Variants in ZNF793 observed in about 807,000 individuals in gnomAD.
ZNF793 encodes the protein zinc finger protein 793.
A neutral mutation model predicts 12.4 loss-of-function variants in ZNF793; 5 were observed. The observed-to-expected ratio is 0.40, with a 90% confidence interval of 0.21 to 0.84. The LOEUF (loss-of-function observed/expected upper bound fraction) is 0.84, where lower values mean the gene tolerates loss of function less well. Among genes scored for constraint, ZNF793 ranks in the 40% least tolerant of loss-of-function variants. The pLI is 0.35. For missense variants in ZNF793, 456 were observed against 495.0 expected (o/e 0.92, Z 0.75); for synonymous variants, 162 against 172.4 (o/e 0.94, Z 0.47).
At chr19:37,529,792 C>T (rs1386180439) in intron 5 of ZNF793, among the ~76,000 whole-genome samples, 4 of 152,194 alleles carry the variant, frequency 2.6e-5, no homozygotes, top group African/African-American at 9.7e-5. Flanking sequence ...CATGCCTGGC[C>T]TGGAGTGTTC....
At chr19:37,515,156 C>A (rs2042321123) in intron 2 of ZNF793, among the ~76,000 whole-genome samples, 1 of 151,966 alleles carries the variant, frequency 6.6e-6, no homozygotes, top group Non-Finnish European at 1.5e-5. Flanking sequence ...AAGTATTGGA[C>A]AAGACAAGAA....
rs2042522671 is a variant in ZNF793 at position 37,537,999 on chromosome 19, C to T, written c.*120C>T. The T allele has an allele frequency of 8.0e-6, 10 of 1,249,010 alleles. No individual in the cohort carries two copies. The South Asian group carries it at 1.6e-4, about 20-fold the overall frequency. 77.4% of individuals were successfully genotyped at this position (1,249,010 alleles called of 1,614,324 possible). On this transcript the variant is annotated 3_prime_UTR_variant, in exon 8 of 8. Transcript: ENST00000627814. ...CGATCTCGGCTTACTGCAAGCTCTGCCTCCCGGGTTCACGCCATTCTCCTG... is the reference window on the plus strand; with the variant it reads ...CGATCTCGGCTTACTGCAAGCTCTGTCTCCCGGGTTCACGCCATTCTCCTG...
rs751578996 is a variant in ZNF793, at chr19:37,536,909, G to A, written c.251G>A (p.Arg84Gln). 1.5e-5 allele frequency: 24 copies of A among 1,605,888 alleles called. No individual in the cohort carries two copies. Among genetic ancestry groups the A allele is most frequent in the African/African-American group, 6.7e-5 (5 of 74,322 alleles). ...GTACTTTCTCCAGAAGACATCTGGC[G>A]AGTTAATATCCAGAGGAAAAGACGG... ...PGCHCWEDIW[R>Q]VNIQRKRRQD... The change falls in exon 8 of 8, where the codon CGA (arginine) becomes CAA (glutamine). Residue 84 changes from arginine to glutamine, a missense_variant. Transcript: ENST00000627814.
Position 37,532,431 on chromosome 19 carries a change from G to A in ZNF793, c.91G>A (p.Ala31Thr), listed in dbSNP as rs2042469183. 6.2e-7 allele frequency: 1 copy of A among 1,613,796 alleles called. No individual in the cohort carries two copies. The highest frequency in any genetic ancestry group is 8.5e-7 in the Non-Finnish European group (1 of 1,179,918). Residue 31 changes from alanine (A) to threonine (T), a missense_variant, in exon 6 of 8, where the codon GCC becomes ACC. Ala to Thr is a moderately conservative substitution (Grantham distance 58, BLOSUM62 0). Transcript: ENST00000627814. Reference protein sequence around the residue: ...EWHRLSPAQRALYRDVMLETY... With the variant: ...EWHRLSPAQRTLYRDVMLETY... ...GCACCGGCTGAGTCCTGCTCAGAGG[G>A]CCCTGTACCGGGATGTGATGCTGGA...
chr19:37,527,519 CTAT>C (rs1262913940), intron 5 of ZNF793, among the ~76,000 whole-genome samples: 2 of 152,158 alleles, frequency 1.3e-5, no homozygotes, highest in Admixed American at 1.3e-4. Context: ...GACACACATA[CTAT>C]TATTATTTCC....
At chr19:37,536,769 T>C in intron 7 of ZNF793, 128 bp from the exon 8 acceptor site, 3 of 1,011,134 alleles carry the variant, frequency 3.0e-6, no homozygotes, top group East Asian at 2.6e-5. Context: ...TAGAACACTC[T>C]TCCCTGCGTT....
chr19:37,523,531 AGT>A, intron 5 of ZNF793, 77 bp downstream of exon 5: 2 of 1,404,470 alleles, frequency 1.4e-6, no homozygotes, highest in Non-Finnish European at 2.0e-6. Context: ...GTGCATTGTA[AGT>A]ATGTACAGTT....
intron 3 of ZNF793, among the ~76,000 whole-genome samples, chr19:37,521,690 G>A (rs1360065577): frequency 2.0e-5 from 3 of 150,660 alleles, no homozygotes; most frequent in African/African-American, 7.3e-5. Flanking sequence ...TGATACACCT[G>A]CCTTGGCCTC....
chr19:37,532,151 T>C (rs1208129552), intron 5 of ZNF793, among the ~76,000 whole-genome samples: 1 of 152,010 alleles, frequency 6.6e-6, no homozygotes, highest in Non-Finnish European at 1.5e-5. Flanking sequence ...GTAGCTGAGA[T>C]TACAAGTGTG....
chr19:37,512,480 A>G (rs552694907), intron 2 of ZNF793, among the ~76,000 whole-genome samples: 5 of 152,052 alleles, frequency 3.3e-5, no homozygotes, highest in Non-Finnish European at 5.9e-5. Context: ...ACGCCACTAC[A>G]CTCCAGCCTG....
chr19:37,537,234 C>G lies in ZNF793; in HGVS notation c.576C>G (p.His192Gln). 6.2e-7 allele frequency: 1 copy of G among 1,613,950 alleles called. No homozygotes were observed. Among genetic ancestry groups the G allele is most frequent in the Non-Finnish European group, 8.5e-7 (1 of 1,179,894 alleles). The change falls in exon 8 of 8, where the codon CAC becomes CAG. Residue 192 changes from histidine to glutamine, a missense_variant. His to Gln is a conservative substitution (Grantham distance 24, BLOSUM62 0). Coordinates refer to ENST00000627814, the MANE Select transcript of ZNF793 (RefSeq NM_001013659.3). ...PNGEKPRGCS[H>Q]CEKAFTQNPA... is the part of the protein sequence containing the mutation. ...GAGAAAAGCCCCGGGGTTGCAGTCA[C>G]TGTGAGAAAGCTTTCACCCAGAACC...
Position 37,515,597 on chromosome 19 carries a change from C to G in ZNF793, c.-275-4587C>G, listed in dbSNP as rs150039239. 2.4e-4 allele frequency among the ~76,000 whole-genome samples: 36 copies of G among 152,180 alleles called. No individual in the cohort carries two copies. In the East Asian group the frequency reaches 6.2e-3, roughly 26 times the overall value. ...TGGTGGGATTACAGGCGTGAGCCAC[C>G]GCGCCCAGCCTGATGACTTTTTTTA... is the stretch of plus-strand genomic sequence containing the variant. On this transcript the variant is annotated intron_variant, in intron 2 of 7. Transcript: ENST00000627814.
rs762537228 is a variant in ZNF793, at chr19:37,537,344, G to T, written c.686G>T (p.Cys229Phe). 6.2e-7 allele frequency: 1 copy of T among 1,613,318 alleles called. No homozygotes were observed. Among genetic ancestry groups the T allele is most frequent in the Admixed American group, 1.7e-5 (1 of 59,900 alleles). ...RVPPTEKPHV[C>F]SECGKAFCYK... The stretch of plus-strand genomic sequence containing the variant: ...CCACCTACAGAAAAACCCCACGTCT[G>T]TAGTGAGTGTGGGAAAGCCTTCTGC... The change falls in exon 8 of 8, where the codon TGT becomes TTT. Residue 229 changes from cysteine to phenylalanine, a missense_variant. Cys to Phe is a radical substitution (Grantham distance 205, BLOSUM62 -2). Transcript: ENST00000627814.
At chr19:37,521,806 G>A (rs932365232) in intron 3 of ZNF793, among the ~76,000 whole-genome samples, 1 of 152,000 alleles carries the variant, frequency 6.6e-6, no homozygotes, top group African/African-American at 2.4e-5. Context: ...GAATATTTCT[G>A]TGGTCTCCTA....
intron 2 of ZNF793, among the ~76,000 whole-genome samples, chr19:37,519,541 A>G (rs748944471): frequency 6.6e-6 from 1 of 152,234 alleles, no homozygotes; most frequent in Non-Finnish European, 1.5e-5. Context: ...AATGACAAAT[A>G]AGGACAAATG....
chr19:37,512,712 A>C (rs1044044346), intron 2 of ZNF793, among the ~76,000 whole-genome samples: 1 of 152,172 alleles, frequency 6.6e-6, no homozygotes, highest in Non-Finnish European at 1.5e-5. Context: ...TGTGATCACA[A>C]TAATTAACTA....
chr19:37,536,371 C>T, intron 7 of ZNF793: 1 of 398,966 alleles, frequency 2.5e-6, no homozygotes, highest in East Asian at 3.6e-5. Flanking sequence ...GCACATCTAA[C>T]AAGCTCCAAG....
chr19:37,518,889 T>C (rs2042354240), intron 2 of ZNF793, among the ~76,000 whole-genome samples: 6 of 152,236 alleles, frequency 3.9e-5, no homozygotes, highest in Admixed American at 3.9e-4. Flanking sequence ...CTTGTACCTT[T>C]ATCTTTTATT....
At chr19:37,533,153 T>C (rs2042475480) in intron 6 of ZNF793, among the ~76,000 whole-genome samples, 155 bp from the exon 7 acceptor site, 1 of 152,172 alleles carries the variant, frequency 6.6e-6, no homozygotes, top group Non-Finnish European at 1.5e-5. Context: ...TGAGTTTCCA[T>C]GGTCCTGGAT....
Sources: gnomAD v4.1 joint callset for allele counts (sites outside exome capture counted in the v4.1 genomes callset) on GRCh38, gnomAD v4.1.1 for gene constraint, MANE v1.5 for transcripts, NCBI Gene and HGNC (gene_info 2026-07-23, HGNC 2026-07-21) for gene names.